Variants in PARD3 observed in about 807,000 individuals in gnomAD.
The protein encoded by PARD3 is partitioning defective 3 homolog.
Under a neutral mutation model 155.4 loss-of-function variants are expected in PARD3, and 75 were observed. That is an observed-to-expected ratio of 0.48 (90% CI 0.40 to 0.58). PARD3 has a LOEUF of 0.58. Among genes scored for constraint, PARD3 ranks in the 20% least tolerant of loss-of-function variants. The probability of loss-of-function intolerance (pLI) is 0.00; values close to 1 mark genes in which losing one functional copy is unlikely to be tolerated. For synonymous variants in PARD3, 576 were observed against 610.5 expected, an observed-to-expected ratio of 0.94 and a Z score of 0.83; for missense variants, 1,642 against 1,721.7, an observed-to-expected ratio of 0.95 and a Z score of 0.82.
intron 1 of PARD3, among the ~76,000 whole-genome samples, chr10:34,805,851 C>T (rs1843311589): frequency 6.6e-6 from 1 of 151,844 alleles, no homozygotes; most frequent in African/African-American, 2.4e-5. Context: ...GTGGTGGGCA[C>T]CTGTAGTCCC....
chr10:34,147,095 TAA>T (rs5784396), intron 22 of PARD3, among the ~76,000 whole-genome samples: 224 of 148,904 alleles, frequency 1.5e-3, no homozygotes, highest in African/African-American at 4.9e-3. Context: ...ATATTTAACT[TAA>T]AAAAAAAAAA....
intron 24 of PARD3, among the ~76,000 whole-genome samples, chr10:34,117,031 G>A (rs185444283): frequency 2.6e-5 from 4 of 152,330 alleles, no homozygotes; most frequent in East Asian, 3.9e-4. Context: ...GAGAAATTCA[G>A]TGGAAGCACC....
chr10:34,314,228 C>T (rs985535563), intron 20 of PARD3, among the ~76,000 whole-genome samples: 1 of 151,740 alleles, frequency 6.6e-6, no homozygotes, highest in Non-Finnish European at 1.5e-5. Context: ...AAAGAATCAA[C>T]CTGAGGGTAT....
At chr10:34,120,022 T>TC (rs1440523176) in intron 23 of PARD3, among the ~76,000 whole-genome samples, 1 of 134,272 alleles carries the variant, frequency 7.4e-6, no homozygotes, top group East Asian at 2.0e-4. Context: ...TTTTTTTTTT[T>TC]TTTTTTTTTT....
At chr10:34,642,301 G>A (rs2132956512) in intron 2 of PARD3, among the ~76,000 whole-genome samples, 1 of 152,202 alleles carries the variant, frequency 6.6e-6, no homozygotes, top group East Asian at 1.9e-4. Flanking sequence ...GGGCCCAGCT[G>A]TCATGAATCT....
At chr10:34,527,873 A>G (rs573079716) in intron 2 of PARD3, among the ~76,000 whole-genome samples, 28 of 152,180 alleles carry the variant, frequency 1.8e-4, no homozygotes, top group Admixed American at 3.3e-4. Flanking sequence ...TGCTACTCTC[A>G]TTATTTCAAC....
intron 5 of PARD3, among the ~76,000 whole-genome samples, chr10:34,439,176 G>A (rs1460279296): frequency 2.0e-5 from 3 of 152,116 alleles, no homozygotes; most frequent in African/African-American, 7.2e-5. Flanking sequence ...CTGCATGCGA[G>A]GAAGGGCAGG....
At chr10:34,504,803 C>T (rs1361581030) in intron 3 of PARD3, among the ~76,000 whole-genome samples, 2 of 152,134 alleles carry the variant, frequency 1.3e-5, no homozygotes, top group Non-Finnish European at 2.9e-5. Context: ...CAGGAGCAAA[C>T]AGAACTGAGG....
intron 12 of PARD3, among the ~76,000 whole-genome samples, chr10:34,362,805 A>C (rs1354565827): frequency 1.3e-5 from 2 of 152,240 alleles, no homozygotes; most frequent in African/African-American, 4.8e-5. Flanking sequence ...CAGAGTACGA[A>C]ATAATGACTA....
chr10:34,735,041 G>A (rs1162555317), intron 1 of PARD3, among the ~76,000 whole-genome samples: 1 of 150,104 alleles, frequency 6.7e-6, no homozygotes, highest in Admixed American at 6.6e-5. Flanking sequence ...AGGAAATTCT[G>A]AGAAAAGGAT....
intron 3 of PARD3, among the ~76,000 whole-genome samples, chr10:34,505,976 A>C (rs1414559540): frequency 6.6e-6 from 1 of 152,060 alleles, no homozygotes; most frequent in Non-Finnish European, 1.5e-5. Context: ...AAATACAAAA[A>C]TCAGCCGGGA....
At chr10:34,290,594 G>T (rs910222526) in intron 20 of PARD3, among the ~76,000 whole-genome samples, 8 of 152,134 alleles carry the variant, frequency 5.3e-5, no homozygotes, top group Admixed American at 1.3e-4. Context: ...CCCTGGCGTG[G>T]TCAATATAGT....
chr10:34,654,971 G>A (rs892142756), intron 2 of PARD3, among the ~76,000 whole-genome samples: 2 of 152,002 alleles, frequency 1.3e-5, no homozygotes, highest in Non-Finnish European at 2.9e-5. Context: ...TTCTTGTTAC[G>A]AAAACGGACG....
chr10:34,698,256 C>T (rs1302372777), intron 1 of PARD3, among the ~76,000 whole-genome samples: 1 of 152,170 alleles, frequency 6.6e-6, no homozygotes, highest in Non-Finnish European at 1.5e-5. Context: ...ATATTTGTAG[C>T]CACCCCTTGG....
chr10:34,556,718 G>A (rs984689995), intron 2 of PARD3, among the ~76,000 whole-genome samples: 2 of 152,056 alleles, frequency 1.3e-5, no homozygotes, highest in Non-Finnish European at 2.9e-5. Context: ...TGAGCGTAGT[G>A]TTTATTATTT....
Position 34,172,760 on chromosome 10 carries a change from AC to A in PARD3, c.3420-41178del, listed in dbSNP as rs1220359558. The stretch of plus-strand genomic sequence containing the variant: ...AAACAAAAAAACAACAAAAAAAAAA[AC>A]AAAAAAAAAACCCACCCAAGCAAAA... On this transcript the variant is annotated intron_variant, in intron 22 of 24. Coordinates refer to ENST00000374788, the MANE Select transcript of PARD3 (RefSeq NM_001184785.2). Among the ~76,000 whole-genome samples, 4 of 143,652 alleles carry A rather than the reference AC, an allele frequency of 2.8e-5. No homozygotes were observed. In the East Asian group the frequency reaches 7.9e-4, roughly 28 times the overall value. 94.2% of individuals were successfully genotyped at this position (143,652 alleles called of 152,430 possible). A position where few individuals can be genotyped will look rare whatever the true frequency, so the allele number is the denominator to read the frequency against.
chr10:34,652,928 A>T (rs1259931953), intron 2 of PARD3, among the ~76,000 whole-genome samples: 7 of 152,208 alleles, frequency 4.6e-5, no homozygotes, highest in Admixed American at 4.6e-4. Context: ...TAGCTAAGGC[A>T]AATGGATGAG....
chr10:34,431,784 T>TTATG (rs2075920477), intron 5 of PARD3, among the ~76,000 whole-genome samples: 1 of 104,698 alleles, frequency 9.6e-6, no homozygotes, highest in South Asian at 3.6e-4. Flanking sequence ...GTATGGTGGC[T>TTATG]CATGCCTGTA....
intron 2 of PARD3, among the ~76,000 whole-genome samples, chr10:34,570,989 C>T (rs1307591942): frequency 1.3e-5 from 2 of 152,132 alleles, no homozygotes; most frequent in Non-Finnish European, 2.9e-5. Flanking sequence ...GGCAGAACTA[C>T]ACATATCAAG....
Sources: gnomAD v4.1 joint callset for allele counts (sites outside exome capture counted in the v4.1 genomes callset) on GRCh38, gnomAD v4.1.1 for gene constraint, MANE v1.5 for transcripts, NCBI Gene and HGNC (gene_info 2026-07-23, HGNC 2026-07-21) for gene names.